WDR44: variants seen among roughly 807,000 people sequenced by gnomAD.
WDR44 encodes WD repeat-containing protein 44.
A neutral mutation model predicts 65.7 loss-of-function variants in WDR44; 9 were observed. The observed-to-expected ratio is 0.14, with a 90% CI of 0.08 to 0.24. WDR44 has a LOEUF of 0.24. Ranked by LOEUF, WDR44 falls within the 10% of genes least tolerant of loss-of-function variation. WDR44 has a pLI of 1.00. For synonymous variants in WDR44, 220 were observed against 235.2 expected (o/e 0.94, Z 0.59); for missense variants, 425 against 670.9 (o/e 0.63, Z 4.05).
intron 1 of WDR44, among the ~76,000 whole-genome samples, chrX:118,352,155 G>T (rs867618531): frequency 4.6e-5 from 4 of 87,772 alleles, no homozygotes; most frequent in South Asian, 5.6e-4. Flanking sequence ...TTTGTTTTTT[G>T]TTTTTTTTTT....
At chrX:118,424,335 A>ATG (rs1334650281) in intron 12 of WDR44, among the ~76,000 whole-genome samples, 15 of 88,883 alleles carry the variant, frequency 1.7e-4, no homozygotes, top group Non-Finnish European at 2.8e-4. Flanking sequence ...ATATATATAT[A>ATG]TATATATATA....
intron 1 of WDR44, among the ~76,000 whole-genome samples, chrX:118,367,820 G>GA (rs34551724): frequency 3.7e-5 from 4 of 108,843 alleles, no homozygotes; most frequent in Admixed American, 9.8e-5. Context: ...TTCAAACACT[G>GA]AAAAAAAAAG....
intron 1 of WDR44, among the ~76,000 whole-genome samples, chrX:118,358,161 G>T (rs2056479665): frequency 8.9e-6 from 1 of 112,143 alleles, no homozygotes; most frequent in Non-Finnish European, 1.9e-5. Context: ...AGAATGTTTG[G>T]CCTTTAGATT....
intron 2 of WDR44, among the ~76,000 whole-genome samples, chrX:118,378,735 T>TGTGTGTGTG (rs1556057149): frequency 3.8e-5 from 4 of 106,425 alleles, no homozygotes; most frequent in Admixed American, 1.0e-4. Flanking sequence ...TGTGTGTGTG[T>TGTGTGTGTG]TGAAAAAGTG....
At chrX:118,349,980 C>T (rs1201906528) in intron 1 of WDR44, among the ~76,000 whole-genome samples, 1 of 106,728 alleles carries the variant, frequency 9.4e-6, no homozygotes, top group Non-Finnish European at 1.9e-5. Context: ...CTGTGGAGGG[C>T]GATGAGAGCA....
Position 118,392,704 on chromosome X carries a change from A to G in WDR44, c.259A>G (p.Lys87Glu). 8.3e-7 allele frequency: 1 copy of G among 1,211,363 alleles called. No homozygotes were observed. Among genetic ancestry groups the G allele is most frequent in the African/African-American group, 1.7e-5 (1 of 57,894 alleles). The change falls in exon 4 of 20, where the codon AAA (lysine) becomes GAA (glutamate). Residue 87 changes from lysine (K) to glutamate (E), a missense_variant. Around this residue, in one of 5 missense-constraint regions of WDR44, gnomAD observed 193 missense variants for 209.0 expected, o/e 0.92. Coordinates refer to ENST00000254029, the MANE Select transcript of WDR44 (RefSeq NM_019045.5). ...AGATGACTCTTTGGATTCCAAAGGA[A>G]AAGAACTCTCTGATCAAGCTACTGC... ...LEDDSLDSKG[K>E]ELSDQATASP...
At chrX:118,375,525 AAAAAAAAC>A (rs1438457672) in intron 1 of WDR44, among the ~76,000 whole-genome samples, 4 of 109,935 alleles carry the variant, frequency 3.6e-5, no homozygotes, top group African/African-American at 1.3e-4. Flanking sequence ...CAAAAAAAAA[AAAAAAAAC>A]AAACAGGTTT....
chrX:118,398,322 A>T, intron 7 of WDR44, 65 bp from the exon 8 acceptor site: 1 of 936,929 alleles, frequency 1.1e-6, no homozygotes, highest in Non-Finnish European at 1.5e-6. Context: ...TATAGTAAGT[A>T]TAAACAGATT....
intron 2 of WDR44, among the ~76,000 whole-genome samples, chrX:118,380,784 G>T (rs753254933): frequency 8.9e-6 from 1 of 112,091 alleles, no homozygotes; most frequent in Non-Finnish European, 1.9e-5. Context: ...TTGGAGGAAC[G>T]AGAGGAAGAT....
intron 18 of WDR44, 67 bp from the exon 19 acceptor site, chrX:118,444,293 A>G (rs1183090945): frequency 2.7e-6 from 3 of 1,121,766 alleles, no homozygotes; most frequent in Non-Finnish European, 3.6e-6. Context: ...TTGGCATATA[A>G]CATACACTAT....
rs139645396 is a variant in WDR44, at chrX:118,442,573, A to G, written c.2277A>G (p.Val759=). ...ATTTGATCTACTTTTAGATATTGGT[A>G]ACCTCAAATGACTCCAGAATCAGAC... The part of the protein sequence containing the change: ...EPLPGENKIL[V]TSNDSRIRLY... The change falls in exon 17 of 20, where the codon GTA becomes GTG. Residue 759 remains valine (V), a synonymous_variant. Transcript: ENST00000254029. 42 of 1,204,091 alleles carry G rather than the reference A, an allele frequency of 3.5e-5. No homozygotes were observed. The highest frequency in any genetic ancestry group is 4.4e-5 in the Non-Finnish European group (39 of 890,614).
At chrX:118,423,470 T>G (rs941682200) in intron 12 of WDR44, among the ~76,000 whole-genome samples, 2 of 112,029 alleles carry the variant, frequency 1.8e-5, no homozygotes, top group African/African-American at 6.5e-5. Context: ...TGCCAGGCTA[T>G]AAGTTAATTT....
At chrX:118,377,395 T>C (rs1360542076) in intron 1 of WDR44, among the ~76,000 whole-genome samples, 2 of 110,695 alleles carry the variant, frequency 1.8e-5, no homozygotes, top group Non-Finnish European at 3.8e-5. Flanking sequence ...AGAACAAAAA[T>C]GGGTATCTCT....
Position 118,410,777 on chromosome X carries a change from A to G in WDR44, c.1673-118A>G, listed in dbSNP as rs938795035. ...ATGCCTCAATTGTTAGTATTTTTCT[A>G]GAATACTGTATTCTCTAACTATTAG... On this transcript the variant is annotated intron_variant, in intron 11 of 19. Coordinates refer to ENST00000254029, the MANE Select transcript of WDR44 (RefSeq NM_019045.5). 1.0e-5 allele frequency: 6 copies of G among 579,707 alleles called. No individual in the cohort carries two copies. In the African/African-American group the frequency reaches 1.2e-4, roughly 12 times the overall value. 47.8% of individuals were successfully genotyped at this position (579,707 alleles called of 1,213,427 possible). A position where few individuals can be genotyped will look rare whatever the true frequency, so the allele number is the denominator to read the frequency against.
intron 14 of WDR44, among the ~76,000 whole-genome samples, chrX:118,440,120 CAAA>C (rs36033722): frequency 5.8e-5 from 4 of 68,712 alleles, no homozygotes; most frequent in Non-Finnish European, 5.9e-5. Context: ...ACCCCATCAC[CAAA>C]AAAAAAAAAA....
chrX:118,348,166 T>A (rs1185963352), intron 1 of WDR44, among the ~76,000 whole-genome samples: 1 of 112,156 alleles, frequency 8.9e-6, no homozygotes, highest in East Asian at 2.8e-4. Flanking sequence ...GCAAGTTATA[T>A]CAGGACCTGT....
rs781630876 is a variant in WDR44, at chrX:118,434,896, G to A, written c.1852-1806G>A. On this transcript the variant is annotated intron_variant, in intron 13 of 19. Transcript: ENST00000254029. ...TTTTGTGCCAATAACAAGAATTACC[G>A]TGTTAATTCTTACAATAACAACCCC... 2.5e-3 allele frequency among the ~76,000 whole-genome samples: 276 copies of A among 111,531 alleles called. 2 individuals are homozygous for A. The highest frequency in any genetic ancestry group is 8.7e-3 in the African/African-American group (266 of 30,705).
chrX:118,444,264 T>G, intron 18 of WDR44, 96 bp from the exon 19 acceptor site: 1 of 986,607 alleles, frequency 1.0e-6, no homozygotes, highest in Non-Finnish European at 1.4e-6. Flanking sequence ...GTTACTTCTA[T>G]GTTAGTTTTT....
Position 118,394,971 on chromosome X carries a change from A to C in WDR44, c.958-278A>C, listed in dbSNP as rs1348465310. 4.5e-4 allele frequency among the ~76,000 whole-genome samples: 51 copies of C among 112,195 alleles called. 1 individual carries two copies. The highest frequency in any genetic ancestry group is 3.8e-5 in the Non-Finnish European group (2 of 53,255). On this transcript the variant is annotated intron_variant, in intron 5 of 19. Transcript: ENST00000254029. ...GCCACATACAGTCCAGATTAATAGC[A>C]GTCTTAGTAGAGAAATGCCTTTTGG...
Sources: allele counts gnomAD v4.1 joint callset (sites outside exome capture counted in the v4.1 genomes callset), GRCh38; gene constraint gnomAD v4.1.1; regional missense constraint gnomAD v4.1.1; transcripts MANE v1.5; gene names NCBI Gene and HGNC (gene_info 2026-07-23, HGNC 2026-07-21).